ANKS6: variants seen among roughly 807,000 people sequenced by gnomAD.
The protein encoded by ANKS6 is ankyrin repeat and SAM domain-containing protein 6.
In ANKS6, 47 loss-of-function variants were observed where a neutral mutation model predicts 77.9. That is an observed-to-expected ratio of 0.60 (90% CI 0.48 to 0.77). ANKS6 has a LOEUF of 0.77. ANKS6 is among the 30% of genes least tolerant of loss of function. ANKS6 has a pLI of 0.00. For synonymous variants in ANKS6, 488 were observed against 501.7 expected, an observed-to-expected ratio of 0.97 and a Z score of 0.37; for missense variants, 1,150 against 1,159.1, an observed-to-expected ratio of 0.99 and a Z score of 0.11.
rs770883667 is a variant in ANKS6, at chr9:98,778,364, G to T, written c.1429C>A (p.Arg477Ser). 6.4e-5 allele frequency: 104 copies of T among 1,614,018 alleles called. 1 individual carries two copies. In the South Asian group the frequency reaches 1.1e-3, roughly 17 times the overall value. The change falls in exon 7 of 15, where the codon CGT (arginine) becomes AGT (serine). Residue 477 changes from arginine (R) to serine (S), a missense_variant. Arg to Ser is a moderately radical substitution (Grantham distance 110). Coordinates refer to ENST00000353234, the MANE Select transcript of ANKS6 (RefSeq NM_173551.5). ...AAAGGCTGGTTGCTGGACAGCCCAC[G>T]GGGCAGCGTCTGCATCAGTTTGAGC... ...RKLKLMQTLPRGLSSNQPLPF... is the reference protein window; with the variant it reads ...RKLKLMQTLPSGLSSNQPLPF...
At position 98,751,109 on chromosome 9, in the gene ANKS6, A is replaced by C. The variant is rs1314288578; in HGVS notation, c.2327-13T>G. On this transcript the variant is annotated splice_polypyrimidine_tract_variant and intron_variant, in intron 12 of 14. Coordinates refer to ENST00000353234, the MANE Select transcript of ANKS6 (RefSeq NM_173551.5). Reference sequence around the variant, plus strand: ...CCAGTCAGTTCATCTTCAAGATGGAAAGGTGAAAAAAAAACAACACATTTT... The same window carrying C: ...CCAGTCAGTTCATCTTCAAGATGGACAGGTGAAAAAAAAACAACACATTTT... 1.3e-6 allele frequency: 2 copies of C among 1,593,634 alleles called. No homozygotes were observed. The highest frequency in any genetic ancestry group is 1.7e-6 in the Non-Finnish European group (2 of 1,171,088).
intron 11 of ANKS6, among the ~76,000 whole-genome samples, chr9:98,758,707 C>T (rs905290216): frequency 3.9e-5 from 6 of 152,212 alleles, no homozygotes; most frequent in Non-Finnish European, 8.8e-5. Flanking sequence ...ACCCAACATC[C>T]ACAGAGTTTG....
At chr9:98,779,374 T>C (rs1834101685) in intron 6 of ANKS6, among the ~76,000 whole-genome samples, 1 of 152,100 alleles carries the variant, frequency 6.6e-6, no homozygotes, top group Non-Finnish European at 1.5e-5. Flanking sequence ...GATCAGCAAA[T>C]ATCCTGCACA....
At position 98,768,161 on chromosome 9, in the gene ANKS6, T is replaced by C. The variant is rs779409195; in HGVS notation, c.2062A>G (p.Ser688Gly). 3.1e-6 allele frequency: 5 copies of C among 1,614,036 alleles called. No homozygotes were observed. The Admixed American group carries it at 8.3e-5, about 27-fold the overall frequency. Residue 688 changes from serine to glycine, a missense_variant, in exon 11 of 15, where the codon AGC (serine) becomes GGC (glycine). Coordinates refer to ENST00000353234, the MANE Select transcript of ANKS6 (RefSeq NM_173551.5). ...GACCCCGGTGCTGGCCCCACAGGGC[T>C]TGACCGATGGCTGGGTTTCTGCTCC... ...LLEQKPSHRS[S>G]PVGPAPGSSP...
chr9:98,736,359 G>A lies in ANKS6; in HGVS notation c.*160C>T. On this transcript the variant is annotated 3_prime_UTR_variant, in exon 15 of 15. Transcript: ENST00000353234. ...GTGTTGAAGTTTGTTGCAGCAAGAAGTACTACCAATGAATGCCGTCGACGT... is the reference window on the plus strand; with the variant it reads ...GTGTTGAAGTTTGTTGCAGCAAGAAATACTACCAATGAATGCCGTCGACGT... The A allele has an allele frequency of 9.1e-6, 13 of 1,428,698 alleles. No homozygotes were observed. Among genetic ancestry groups the A allele is most frequent in the Non-Finnish European group, 1.2e-5 (13 of 1,095,062 alleles). The allele number at this position is 1,428,698 out of a possible 1,614,324, so 88.5% of individuals were successfully genotyped here.
Position 98,733,280 on chromosome 9 carries a change from C to T in ANKS6, c.*3239G>A. ...ATTTTGTGGCGCTGAAGAAGAGAGG[C>T]AGGAGCCCTCCGTGGCCAGCAGGGA... is the stretch of plus-strand genomic sequence containing the variant. On this transcript the variant is annotated 3_prime_UTR_variant, in exon 15 of 15. Coordinates refer to ENST00000353234, the MANE Select transcript of ANKS6 (RefSeq NM_173551.5). 3.0e-6 allele frequency: 3 copies of T among 985,538 alleles called. No individual in the cohort carries two copies. Among genetic ancestry groups the T allele is most frequent in the Non-Finnish European group, 3.6e-6 (3 of 830,004 alleles). 61.0% of individuals were successfully genotyped at this position (985,538 alleles called of 1,614,324 possible).
chr9:98,774,186 A>AC, intron 8 of ANKS6, 106 bp from the exon 9 acceptor site: 1 of 1,008,374 alleles, frequency 9.9e-7, no homozygotes, highest in East Asian at 3.1e-5. Context: ...ACCACCATCC[A>AC]CCCCTCCACC....
intron 11 of ANKS6, among the ~76,000 whole-genome samples, chr9:98,759,907 G>C (rs1832919461): frequency 1.3e-5 from 2 of 152,140 alleles, no homozygotes; most frequent in African/African-American, 4.8e-5. Context: ...ATAAGTTCTA[G>C]TGCTCTATAC....
intron 14 of ANKS6, among the ~76,000 whole-genome samples, chr9:98,737,003 C>T (rs1831536742): frequency 6.6e-6 from 1 of 152,210 alleles, no homozygotes; most frequent in African/African-American, 2.4e-5. Context: ...TCAATGGGAG[C>T]CAAGTGTCCT....
chr9:98,776,131 G>T (rs1167918919), intron 8 of ANKS6, among the ~76,000 whole-genome samples: 1 of 152,214 alleles, frequency 6.6e-6, no homozygotes, highest in South Asian at 2.1e-4. Context: ...AACCCAGAGA[G>T]GGGAGGTAAC....
Position 98,768,235 on chromosome 9 carries a change from T to C in ANKS6, c.1988A>G (p.Asn663Ser), listed in dbSNP as rs1268380102. Residue 663 changes from asparagine to serine, a missense_variant, in exon 11 of 15, where the codon AAT becomes AGT. Physicochemically the swap from Asn to Ser is conservative, Grantham distance 46 (BLOSUM62 1). Transcript: ENST00000353234. The part of the protein sequence containing the change: ...LLNRSGGSID[N>S]VLSQIAAQRK... ...CTGGGCAGCGATTTGGGACAAGACATTGTCTATGCTGCCACCTGAGGAAAC... is the reference window on the plus strand; with the variant it reads ...CTGGGCAGCGATTTGGGACAAGACACTGTCTATGCTGCCACCTGAGGAAAC... 1.9e-6 allele frequency: 3 copies of C among 1,613,902 alleles called. No homozygotes were observed. The highest frequency in any genetic ancestry group is 2.5e-6 in the Non-Finnish European group (3 of 1,180,040).
intron 13 of ANKS6, among the ~76,000 whole-genome samples, chr9:98,749,653 A>G (rs1165908303): frequency 6.6e-6 from 1 of 152,230 alleles, no homozygotes; most frequent in Non-Finnish European, 1.5e-5. Flanking sequence ...AGGCATAAAC[A>G]TATCAGCAAA....
chr9:98,785,168 G>A (rs1471349035), intron 2 of ANKS6, among the ~76,000 whole-genome samples: 1 of 152,204 alleles, frequency 6.6e-6, no homozygotes, highest in African/African-American at 2.4e-5. Flanking sequence ...ACAAACGTTG[G>A]CATATCCTTT....
intron 11 of ANKS6, among the ~76,000 whole-genome samples, chr9:98,760,664 C>T (rs1832957274): frequency 6.6e-6 from 1 of 152,168 alleles, no homozygotes. Context: ...ATTTTTGGGT[C>T]TGTCTTCTTT....
In ANKS6 at chr9:98,732,465, C is replaced by A; in HGVS notation, c.*4054G>T. 1 of 1,548,866 alleles carries A rather than the reference C, an allele frequency of 6.5e-7. No homozygotes were observed. On this transcript the variant is annotated 3_prime_UTR_variant, in exon 15 of 15. Transcript: ENST00000353234. ...CAGGTCCATCGGCCACTCCTCACTTCTGTGGGCTCCGATGCCAGCAGAGCC... is the reference window on the plus strand; with the variant it reads ...CAGGTCCATCGGCCACTCCTCACTTATGTGGGCTCCGATGCCAGCAGAGCC...
chr9:98,775,310 C>T (rs575911588), intron 8 of ANKS6, among the ~76,000 whole-genome samples: 1 of 152,196 alleles, frequency 6.6e-6, no homozygotes, highest in East Asian at 1.9e-4. Flanking sequence ...GTGGGGGAAA[C>T]GAAGGTATAA....
At position 98,733,434 on chromosome 9, in the gene ANKS6, G is replaced by C. The variant is rs1831312361; in HGVS notation, c.*3085C>G. 1.0e-6 allele frequency: 1 copy of C among 985,324 alleles called. No homozygotes were observed. The highest frequency in any genetic ancestry group is 1.2e-6 in the Non-Finnish European group (1 of 829,968). The allele number at this position is 985,324 out of a possible 1,614,324, so 61.0% of individuals were successfully genotyped here. A position where few individuals can be genotyped will look rare whatever the true frequency, so the allele number is the denominator to read the frequency against. Reference sequence around the variant, plus strand: ...ATGCCCTCAGGCTGGAGAGCTCTCAGAACAGGGACCCTGCCATCTCAAAGC... The same window carrying C: ...ATGCCCTCAGGCTGGAGAGCTCTCACAACAGGGACCCTGCCATCTCAAAGC... On this transcript the variant is annotated 3_prime_UTR_variant, in exon 15 of 15. Transcript: ENST00000353234.
chr9:98,782,626 T>C, intron 4 of ANKS6, 53 bp from the exon 5 acceptor site: 1 of 1,475,134 alleles, frequency 6.8e-7, no homozygotes, highest in East Asian at 2.3e-5. Flanking sequence ...ATGGCTTTGC[T>C]CCTGGGCAAC....
intron 11 of ANKS6, among the ~76,000 whole-genome samples, chr9:98,760,822 T>C (rs1832967483): frequency 6.6e-6 from 1 of 152,218 alleles, no homozygotes; most frequent in Non-Finnish European, 1.5e-5. Flanking sequence ...TTGGGATGTT[T>C]CCAGTTTGGG....
Sources: gnomAD v4.1 joint callset for allele counts (sites outside exome capture counted in the v4.1 genomes callset) on GRCh38, gnomAD v4.1.1 for gene constraint, MANE v1.5 for transcripts, NCBI Gene and HGNC (gene_info 2026-07-23, HGNC 2026-07-21) for gene names.